Variants in SPECC1 observed in about 807,000 individuals in gnomAD.
SPECC1 encodes sperm antigen with calponin homology and coiled-coil domains 1, also known as cytospin-B.
SPECC1 carries 62 observed loss-of-function variants against 104.1 expected under a neutral mutation model. The ratio of observed to expected loss-of-function variants is 0.60; its 90% CI spans 0.49 to 0.74. The LOEUF (loss-of-function observed/expected upper bound fraction) is 0.74, where lower values mean the gene tolerates loss of function less well. Among genes scored for constraint, SPECC1 ranks in the 30% least tolerant of loss-of-function variants. The pLI, the probability that SPECC1 is intolerant of heterozygous loss-of-function variation, is 0.00. For missense variants in SPECC1, 1,306 were observed against 1,310.5 expected, an observed-to-expected ratio of 1.00 and a Z score of 0.05; for synonymous variants, 513 against 501.6, an observed-to-expected ratio of 1.02 and a Z score of -0.30.
At chr17:20,026,189 TC>T (rs951063803) in intron 1 of SPECC1, among the ~76,000 whole-genome samples, 3 of 151,830 alleles carry the variant, frequency 2.0e-5, no homozygotes, top group Non-Finnish European at 2.9e-5. Context: ...TTCTTTTTTT[TC>T]CTTTTTTTGT....
intron 3 of SPECC1, among the ~76,000 whole-genome samples, chr17:20,197,408 A>C (rs191212076): frequency 5.9e-5 from 9 of 152,308 alleles, no homozygotes; most frequent in African/African-American, 1.2e-4. Flanking sequence ...AAGGTCACAC[A>C]GATATTAAAC....
At chr17:20,042,353 A>G (rs543172230) in intron 1 of SPECC1, among the ~76,000 whole-genome samples, 2 of 152,134 alleles carry the variant, frequency 1.3e-5, no homozygotes, top group East Asian at 1.9e-4. Context: ...CACTGTCACC[A>G]TGGGGGAAGA....
Position 20,227,595 on chromosome 17 carries a change from T to C in SPECC1, c.2046T>C (p.Asn682=). 2 of 1,612,058 alleles carry C rather than the reference T, an allele frequency of 1.2e-6. No individual in the cohort carries two copies. The highest frequency in any genetic ancestry group is 1.7e-6 in the Non-Finnish European group (2 of 1,179,564). The change falls in exon 5 of 15, where the codon AAT becomes AAC. Residue 682 remains asparagine, a synonymous_variant. Transcript: ENST00000395527. ...AGCACCGGGCTGTCAAGTTACACAA[T>C]AATCAACTCATCAGTGAGCTAGAAA... is the stretch of plus-strand genomic sequence containing the variant. ...VEQHRAVKLH[N]NQLISELESS...
intron 13 of SPECC1, among the ~76,000 whole-genome samples, chr17:20,299,719 C>T (rs772976401): frequency 6.6e-6 from 1 of 152,150 alleles, no homozygotes; most frequent in Middle Eastern, 3.4e-3. Flanking sequence ...CTGTGGGGTG[C>T]TTTGTTTGTG....
intron 3 of SPECC1, among the ~76,000 whole-genome samples, chr17:20,114,824 T>C (rs1407097229): frequency 6.6e-6 from 1 of 152,240 alleles, no homozygotes; most frequent in Non-Finnish European, 1.5e-5. Context: ...AGATCAGACC[T>C]TTACAAGTGA....
At chr17:20,146,644 C>T (rs1327066774) in intron 3 of SPECC1, among the ~76,000 whole-genome samples, 5 of 152,226 alleles carry the variant, frequency 3.3e-5, no homozygotes, top group Admixed American at 6.5e-5. Flanking sequence ...TGGTGGTTCA[C>T]GCCTGTAATC....
chr17:20,123,040 G>T (rs1025777833), intron 3 of SPECC1, among the ~76,000 whole-genome samples: 5 of 152,182 alleles, frequency 3.3e-5, no homozygotes, highest in African/African-American at 1.2e-4. Flanking sequence ...TGTAAAGTTG[G>T]TGTAGGGTAA....
chr17:20,121,923 ATATCTTTGAGTGGC>A (rs1170485316), intron 3 of SPECC1, among the ~76,000 whole-genome samples: 2 of 152,252 alleles, frequency 1.3e-5, no homozygotes. Flanking sequence ...AATTCAACAA[ATATCTTTGAGTGGC>A]TACCATGTGC....
chr17:20,234,244 C>A (rs72830191), intron 7 of SPECC1, among the ~76,000 whole-genome samples: 7,970 of 152,226 alleles, frequency 0.052, 287 homozygotes, highest in Non-Finnish European at 0.079. Flanking sequence ...ACAGTTTAAT[C>A]CCTTCTCAAA....
chr17:20,200,639 C>T (rs2036364144), intron 3 of SPECC1, among the ~76,000 whole-genome samples: 2 of 152,220 alleles, frequency 1.3e-5, no homozygotes, highest in South Asian at 2.1e-4. Flanking sequence ...TGAGGTCTGA[C>T]TCCCACTGCT....
chr17:20,089,028 C>A (rs1028182307), intron 1 of SPECC1, among the ~76,000 whole-genome samples: 1 of 152,212 alleles, frequency 6.6e-6, no homozygotes, highest in African/African-American at 2.4e-5. Context: ...AAACTGTAAG[C>A]AATGAGTTTG....
At chr17:20,142,193 T>G (rs2030895209) in intron 3 of SPECC1, among the ~76,000 whole-genome samples, 1 of 152,232 alleles carries the variant, frequency 6.6e-6, no homozygotes, top group Non-Finnish European at 1.5e-5. Context: ...ATACTTTTTA[T>G]TTTTTGGTAA....
intron 13 of SPECC1, 68 bp downstream of exon 13, chr17:20,297,145 C>T: frequency 7.3e-7 from 1 of 1,378,580 alleles, no homozygotes; most frequent in Non-Finnish European, 1.0e-6. Flanking sequence ...ATAAACCCCA[C>T]TGTGGGAGGG....
chr17:20,094,251 G>C (rs896329789), intron 1 of SPECC1, among the ~76,000 whole-genome samples: 1 of 152,160 alleles, frequency 6.6e-6, no homozygotes, highest in Non-Finnish European at 1.5e-5. Context: ...GGGTCCAAGA[G>C]AAAGGGACCC....
chr17:20,206,148 T>TC (rs1452777801), intron 4 of SPECC1, among the ~76,000 whole-genome samples: 1 of 152,182 alleles, frequency 6.6e-6, no homozygotes, highest in Non-Finnish European at 1.5e-5. Flanking sequence ...TAGAGTCAAA[T>TC]CAGAGTATGA....
At chr17:20,112,912 C>A in intron 3 of SPECC1, 3 of 1,529,896 alleles carry the variant, frequency 2.0e-6, no homozygotes, top group Non-Finnish European at 2.7e-6. Context: ...AAGAAGCCAA[C>A]CTGAGAGGGT....
chr17:20,053,356 A>G (rs1237345552), intron 1 of SPECC1, among the ~76,000 whole-genome samples: 3 of 152,238 alleles, frequency 2.0e-5, no homozygotes, highest in Non-Finnish European at 4.4e-5. Flanking sequence ...TGTCTCAGGC[A>G]TTTCAAGTTC....
intron 1 of SPECC1, among the ~76,000 whole-genome samples, chr17:20,064,140 G>A (rs1322503849): frequency 6.6e-6 from 1 of 152,218 alleles, no homozygotes; most frequent in African/African-American, 2.4e-5. Flanking sequence ...AAACCACGAA[G>A]AGACAGGAGT....
In SPECC1 at chr17:20,318,616, C is replaced by A. The variant is rs2042068374; in HGVS notation, c.*4551C>A. 4.4e-6 allele frequency: 1 copy of A among 228,546 alleles called. No homozygotes were observed. The allele number at this position is 228,546 out of a possible 1,614,324, so 14.2% of individuals were successfully genotyped here. ...ACTCGGGCCCATAGATGCAGACCCC[C>A]TACCAAATCTAGCAATAGTTCTCAC... is the stretch of plus-strand genomic sequence containing the variant. On this transcript the variant is annotated 3_prime_UTR_variant, in exon 15 of 15. Coordinates refer to ENST00000395527, the MANE Select transcript of SPECC1 (RefSeq NM_001243439.2).
Sources: gnomAD v4.1 joint callset for allele counts (sites outside exome capture counted in the v4.1 genomes callset) on GRCh38, gnomAD v4.1.1 for gene constraint, MANE v1.5 for transcripts, NCBI Gene and HGNC (gene_info 2026-07-23, HGNC 2026-07-21) for gene names.